The following THAP9 variants were observed in gnomAD, a reference collection of about 807,000 sequenced individuals.
THAP9 encodes the protein DNA transposase THAP9.
Under a neutral mutation model 35.7 loss-of-function variants are expected in THAP9, and 20 were observed. The observed-to-expected ratio is 0.56, with a 90% CI of 0.39 to 0.81. The LOEUF (loss-of-function observed/expected upper bound fraction) is 0.81. Among genes scored for constraint, THAP9 ranks in the 40% least tolerant of loss-of-function variants. The pLI is 0.00. For missense variants in THAP9, 870 were observed against 1,047.4 expected, an observed-to-expected ratio of 0.83 and a Z score of 2.34; for synonymous variants, 335 against 373.7, an observed-to-expected ratio of 0.90 and a Z score of 1.19.
In THAP9 at chr4:82,919,510, C is replaced by T. The variant is rs1474697558; in HGVS notation, c.*586C>T. On this transcript the variant is annotated 3_prime_UTR_variant, in exon 5 of 5. Coordinates refer to ENST00000302236, the MANE Select transcript of THAP9 (RefSeq NM_024672.6). Reference sequence around the variant, plus strand: ...TCAGGCAGAAGGTAAAGTACATGAGCCATGAGATTCTTCCTTGTGCTGCAG... The same window carrying T: ...TCAGGCAGAAGGTAAAGTACATGAGTCATGAGATTCTTCCTTGTGCTGCAG... The T allele has an allele frequency of 6.6e-6, 1 of 152,312 alleles. No homozygotes were observed. The highest frequency in any genetic ancestry group is 2.4e-5 in the African/African-American group (1 of 41,434). 9.4% of individuals were successfully genotyped at this position (152,312 alleles called of 1,614,324 possible). A position where few individuals can be genotyped will look rare whatever the true frequency, so the allele number is the denominator to read the frequency against.
chr4:82,910,699 G>A (rs866654194), intron 4 of THAP9: 1 of 610,654 alleles, frequency 1.6e-6, no homozygotes, highest in South Asian at 1.5e-5. Flanking sequence ...TTGATCAGGA[G>A]CGGCCAGTGA....
chr4:82,902,941 G>A (rs11735300), intron 1 of THAP9, among the ~76,000 whole-genome samples: 27,019 of 152,176 alleles, frequency 0.18, 2,594 homozygotes, highest in South Asian at 0.32. Context: ...GCTGGTAGAA[G>A]GTCACTGAAG....
At chr4:82,901,056 T>C in intron 1 of THAP9, 174 bp downstream of exon 1, 1 of 784,746 alleles carries the variant, frequency 1.3e-6, no homozygotes, top group Non-Finnish European at 2.2e-6. Context: ...AGAATTGAGA[T>C]TCTCTCTCTT....
chr4:82,909,524 C>A (rs1235029532), intron 4 of THAP9, among the ~76,000 whole-genome samples: 1 of 151,424 alleles, frequency 6.6e-6, no homozygotes, highest in Non-Finnish European at 1.5e-5. Flanking sequence ...ATTATGTATG[C>A]CTTTTATCTG....
intron 4 of THAP9, among the ~76,000 whole-genome samples, chr4:82,911,125 T>A (rs1720850229): frequency 6.6e-6 from 1 of 152,090 alleles, no homozygotes; most frequent in South Asian, 2.1e-4. Context: ...AAATTGGCGA[T>A]GTATAAGAGA....
At chr4:82,916,917 T>G in intron 4 of THAP9, 27 bp from the exon 5 acceptor site, 1 of 1,478,182 alleles carries the variant, frequency 6.8e-7, no homozygotes, top group Non-Finnish European at 9.0e-7. Flanking sequence ...TCTCTTTGAG[T>G]GTTCTTTCAC....
Position 82,918,555 on chromosome 4 carries a change from C to T in THAP9, c.2343C>T (p.Thr781=), listed in dbSNP as rs777205007. The change falls in exon 5 of 5, where the codon ACC becomes ACT. Residue 781 remains threonine (T), a synonymous_variant. Coordinates refer to ENST00000302236, the MANE Select transcript of THAP9 (RefSeq NM_024672.6). ...ATATTTGTGAGCGAGTTGTAAGAAC[C>T]CATTCAAGAATGGCAATTTTTGAAC... ...VINICERVVR[T]HSRMAIFELV... is the part of the protein sequence containing the mutation. 2.5e-6 allele frequency: 4 copies of T among 1,613,864 alleles called. No individual in the cohort carries two copies. The African/African-American group carries it at 5.3e-5, about 22-fold the overall frequency.
intron 1 of THAP9, among the ~76,000 whole-genome samples, chr4:82,904,520 C>T (rs1029533508): frequency 3.3e-5 from 5 of 151,662 alleles, no homozygotes; most frequent in African/African-American, 1.2e-4. Flanking sequence ...GGGAATTGCC[C>T]CTCTATGATT....
chr4:82,918,740 T>C lies in THAP9; in HGVS notation c.2528T>C (p.Phe843Ser). The change falls in exon 5 of 5, where the codon TTC (phenylalanine) becomes TCC (serine). Residue 843 changes from phenylalanine to serine, a missense_variant. Phe to Ser is a radical substitution (Grantham distance 155). This residue lies in a region of THAP9 where 414 missense variants were observed against 500.8 expected (regional missense o/e 0.83). Transcript: ENST00000302236. ...VKLLKDIIIC[F>S]LNIRAKNVAQ... The stretch of plus-strand genomic sequence containing the variant: ...TTGCTAAAGGATATAATAATCTGTT[T>C]CTTAAATATCAGAGCTAAAAATGTT... The C allele has an allele frequency of 6.2e-7, 1 of 1,613,948 alleles. No individual in the cohort carries two copies. Among genetic ancestry groups the C allele is most frequent in the Non-Finnish European group, 8.5e-7 (1 of 1,179,904 alleles).
rs751307337 is a variant in THAP9 at position 82,906,560 on chromosome 4, T to C, written c.513T>C (p.Ile171=). 1.2e-6 allele frequency: 2 copies of C among 1,613,064 alleles called. No individual in the cohort carries two copies. The highest frequency in any genetic ancestry group is 4.5e-5 in the East Asian group (2 of 44,844). The part of the protein sequence containing the change: ...MIKKRKGLRL[I]DALVEEKLLS... ...AGAAGAGAAAGGGTTTACGATTAAT[T>C]GATGCACTTGTAGAAGAGAAACTAC... Residue 171 remains isoleucine (I), a synonymous_variant, in exon 3 of 5, where the codon ATT becomes ATC. Coordinates refer to ENST00000302236, the MANE Select transcript of THAP9 (RefSeq NM_024672.6).
In THAP9 at chr4:82,906,461, A is replaced by G. The variant is rs780590678; in HGVS notation, c.414A>G (p.Lys138=). 6.2e-7 allele frequency: 1 copy of G among 1,613,842 alleles called. No individual in the cohort carries two copies. The highest frequency in any genetic ancestry group is 1.1e-5 in the South Asian group (1 of 91,066). Residue 138 remains lysine, a synonymous_variant, in exon 3 of 5, where the codon AAA becomes AAG. Coordinates refer to ENST00000302236, the MANE Select transcript of THAP9 (RefSeq NM_024672.6). ...LKTPLTIGAE[K]LAEVQQMLQV... ...CACCTTTGACGATAGGTGCAGAGAA[A>G]CTGGCTGAGGTGCAACAAATGTTAC...
chr4:82,909,683 T>G (rs938355035), intron 4 of THAP9, among the ~76,000 whole-genome samples: 3 of 152,206 alleles, frequency 2.0e-5, no homozygotes, highest in African/African-American at 7.2e-5. Context: ...TATATTTTGA[T>G]GAACATTTGT....
chr4:82,918,065 T>C lies in THAP9; in HGVS notation c.1853T>C (p.Met618Thr). The change falls in exon 5 of 5, where the codon ATG (methionine) becomes ACG (threonine). Residue 618 changes from methionine (M) to threonine (T), a missense_variant. Around this residue, in one of 3 missense-constraint regions of THAP9, gnomAD observed 414 missense variants for 500.8 expected, o/e 0.83. Transcript: ENST00000302236. The stretch of plus-strand genomic sequence containing the variant: ...GATCATCTGGAATTATTTCTAAAGA[T>C]GCTTAGGCAGGTATTAGTAACAAGT... The part of the protein sequence containing the change: ...SHDHLELFLK[M>T]LRQVLVTSSS... 1 of 1,614,140 alleles carries C rather than the reference T, an allele frequency of 6.2e-7. No homozygotes were observed. Among genetic ancestry groups the C allele is most frequent in the Non-Finnish European group, 8.5e-7 (1 of 1,180,004 alleles).
At chr4:82,901,692 T>C (rs1161733355) in intron 1 of THAP9, among the ~76,000 whole-genome samples, 3 of 144,266 alleles carry the variant, frequency 2.1e-5, no homozygotes, top group Non-Finnish European at 4.5e-5. Context: ...TATGGTAGGC[T>C]ATGTATAAAA....
At chr4:82,903,159 A>G (rs561239508) in intron 1 of THAP9, among the ~76,000 whole-genome samples, 1 of 152,380 alleles carries the variant, frequency 6.6e-6, no homozygotes, top group South Asian at 2.1e-4. Context: ...TCTCTAAGAT[A>G]ACGTCAAAGA....
chr4:82,918,448 G>A lies in THAP9; in HGVS notation c.2236G>A (p.Ala746Thr). 1 of 1,614,150 alleles carries A rather than the reference G, an allele frequency of 6.2e-7. No individual in the cohort carries two copies. Among genetic ancestry groups the A allele is most frequent in the Non-Finnish European group, 8.5e-7 (1 of 1,180,002 alleles). Residue 746 changes from alanine to threonine, a missense_variant, in exon 5 of 5, where the codon GCC becomes ACC. This residue lies in a region of THAP9 where 414 missense variants were observed against 500.8 expected (regional missense o/e 0.83). Transcript: ENST00000302236. ...TGCACTGTATGCATCGGATCTCAAA[G>A]CCTCTAAAATTGGGTCACTATTATT... ...ITALYASDLK[A>T]SKIGSLLFVK... is the part of the protein sequence containing the mutation.
chr4:82,913,677 C>T (rs1281327207), intron 4 of THAP9, among the ~76,000 whole-genome samples: 1 of 151,944 alleles, frequency 6.6e-6, no homozygotes, highest in Non-Finnish European at 1.5e-5. Context: ...AACCTCCACC[C>T]TCGAGTAGAC....
Position 82,918,877 on chromosome 4 carries a change from A to C in THAP9, c.2665A>C (p.Ser889Arg), listed in dbSNP as rs1013957635. The C allele has an allele frequency of 1.9e-6, 3 of 1,610,038 alleles. No homozygotes were observed. The highest frequency in any genetic ancestry group is 2.7e-5 in the African/African-American group (2 of 74,784). Reference protein sequence around the residue: ...YKCSSFANTSSKFRHLLSNDG... With the variant: ...YKCSSFANTSRKFRHLLSNDG... ...ATGTTCAAGTTTTGCTAATACCAGT[A>C]GTAAATTCAGGCATTTGCTAAGTAA... The change falls in exon 5 of 5, where the codon AGT (serine) becomes CGT (arginine). Residue 889 changes from serine (S) to arginine (R), a missense_variant. Transcript: ENST00000302236.
Position 82,918,240 on chromosome 4 carries a change from T to G in THAP9, c.2028T>G (p.Arg676=). 6.2e-7 allele frequency: 1 copy of G among 1,614,192 alleles called. No individual in the cohort carries two copies. Among genetic ancestry groups the G allele is most frequent in the Non-Finnish European group, 8.5e-7 (1 of 1,180,012 alleles). The change falls in exon 5 of 5, where the codon CGT becomes CGG. Residue 676 remains arginine (R), a synonymous_variant. Coordinates refer to ENST00000302236, the MANE Select transcript of THAP9 (RefSeq NM_024672.6). ...RKDLALWTVQ[R]QYGVSVTKTV... ...ACTTGGCGCTTTGGACAGTTCAACGTCAGTATGGTGTCAGCGTTACAAAGA... is the reference window on the plus strand; with the variant it reads ...ACTTGGCGCTTTGGACAGTTCAACGGCAGTATGGTGTCAGCGTTACAAAGA...
Sources: gnomAD v4.1 joint callset for allele counts (sites outside exome capture counted in the v4.1 genomes callset) on GRCh38, gnomAD v4.1.1 for gene constraint, gnomAD v4.1.1 regional missense constraint, MANE v1.5 for transcripts, NCBI Gene and HGNC (gene_info 2026-07-23, HGNC 2026-07-21) for gene names.